The following PTPRM variants were observed in gnomAD, a reference collection of about 807,000 sequenced individuals.
The protein encoded by PTPRM is receptor-type tyrosine-protein phosphatase mu.
PTPRM carries 47 observed loss-of-function variants against 186.7 expected under a neutral mutation model. That is an observed-to-expected ratio of 0.25 (90% confidence interval 0.20 to 0.32). PTPRM has a LOEUF of 0.32. Ranked by LOEUF, PTPRM falls within the 10% of genes least tolerant of loss-of-function variation. The pLI is 1.00. For missense variants in PTPRM, 1,494 were observed against 1,865.0 expected (o/e 0.80, Z 3.66); for synonymous variants, 668 against 674.9 (o/e 0.99, Z 0.16).
intron 2 of PTPRM, among the ~76,000 whole-genome samples, chr18:7,846,329 GA>G (rs2145890315): frequency 6.6e-6 from 1 of 152,294 alleles, no homozygotes; most frequent in Non-Finnish European, 1.5e-5. Flanking sequence ...CTAAATAAAG[GA>G]AAATGTTTAT....
chr18:8,039,705 T>C (rs865991620), intron 7 of PTPRM, among the ~76,000 whole-genome samples: 8 of 152,206 alleles, frequency 5.3e-5, no homozygotes, highest in Non-Finnish European at 7.3e-5. Context: ...TTTTCAAGTA[T>C]AGAATACATT....
chr18:7,655,104 G>T (rs1275558431), intron 1 of PTPRM, among the ~76,000 whole-genome samples: 1 of 152,124 alleles, frequency 6.6e-6, no homozygotes, highest in African/African-American at 2.4e-5. Context: ...TTTTCCAGTT[G>T]TTCATGTCTC....
chr18:8,158,777 G>T (rs2093172275), intron 14 of PTPRM, among the ~76,000 whole-genome samples: 1 of 152,206 alleles, frequency 6.6e-6, no homozygotes, highest in Non-Finnish European at 1.5e-5. Context: ...GCACAAGCAG[G>T]CGTGTCCCAT....
chr18:7,879,595 T>C (rs753117300), intron 2 of PTPRM, among the ~76,000 whole-genome samples: 2 of 152,280 alleles, frequency 1.3e-5, no homozygotes, highest in Admixed American at 1.3e-4. Context: ...TTATGAATAA[T>C]AAAAATGGCC....
At chr18:8,372,056 C>CT (rs557766971) in intron 24 of PTPRM, among the ~76,000 whole-genome samples, 951 of 59,050 alleles carry the variant, frequency 0.016, 191 homozygotes, top group African/African-American at 0.022. Context: ...ACTCTATATT[C>CT]TTTTTTTTTT....
chr18:7,764,121 T>C (rs1434938542), intron 1 of PTPRM, among the ~76,000 whole-genome samples: 2 of 152,164 alleles, frequency 1.3e-5, no homozygotes, highest in South Asian at 2.1e-4. Flanking sequence ...GATCCAGCCG[T>C]GCTATTCTGT....
intron 23 of PTPRM, among the ~76,000 whole-genome samples, chr18:8,352,632 CT>C (rs58235619): frequency 0.79 from 101,833 of 129,646 alleles, 40,648 homozygotes; most frequent in Middle Eastern, 0.94. Context: ...TTTTTCTTTT[CT>C]TTTTTTTTTT....
At chr18:8,265,323 T>C (rs561100670) in intron 19 of PTPRM, among the ~76,000 whole-genome samples, 1 of 152,344 alleles carries the variant, frequency 6.6e-6, no homozygotes, top group South Asian at 2.1e-4. Flanking sequence ...TCTGAAGATA[T>C]CCGCCATCCT....
chr18:7,824,404 C>A (rs1424676950), intron 2 of PTPRM, among the ~76,000 whole-genome samples: 1 of 151,854 alleles, frequency 6.6e-6, no homozygotes, highest in Non-Finnish European at 1.5e-5. Flanking sequence ...AGCAGGTGGA[C>A]GTGGTGATGT....
chr18:7,789,841 G>A (rs1211986307), intron 2 of PTPRM, among the ~76,000 whole-genome samples: 1 of 152,204 alleles, frequency 6.6e-6, no homozygotes, highest in African/African-American at 2.4e-5. Context: ...AGAAATGGTT[G>A]TGTGTTGTTT....
At chr18:7,592,466 C>G (rs2037151671) in intron 1 of PTPRM, among the ~76,000 whole-genome samples, 1 of 152,230 alleles carries the variant, frequency 6.6e-6, no homozygotes, top group South Asian at 2.1e-4. Flanking sequence ...CCCTCTGCCA[C>G]TCTCTCAGGA....
chr18:7,976,486 T>A (rs2054950269), intron 7 of PTPRM, among the ~76,000 whole-genome samples: 1 of 152,170 alleles, frequency 6.6e-6, no homozygotes, highest in Non-Finnish European at 1.5e-5. Flanking sequence ...GTTGGTACGA[T>A]GTGTTGATAA....
At chr18:7,622,780 G>T (rs2037971456) in intron 1 of PTPRM, among the ~76,000 whole-genome samples, 1 of 152,130 alleles carries the variant, frequency 6.6e-6, no homozygotes, top group Non-Finnish European at 1.5e-5. Context: ...GTAGGGGAAG[G>T]TAGATTCTTG....
chr18:7,670,612 A>C (rs1379093905), intron 1 of PTPRM, among the ~76,000 whole-genome samples: 1 of 152,226 alleles, frequency 6.6e-6, no homozygotes, highest in African/African-American at 2.4e-5. Flanking sequence ...GAGATATATA[A>C]ATATCTGATA....
intron 7 of PTPRM, among the ~76,000 whole-genome samples, chr18:8,006,005 C>T (rs974648793): frequency 9.9e-5 from 12 of 121,706 alleles, no homozygotes; most frequent in African/African-American, 3.7e-4. Context: ...ATTACAGTGA[C>T]GTAGCAGAGC....
chr18:8,123,061 A>C (rs2092230951), intron 13 of PTPRM, among the ~76,000 whole-genome samples: 2 of 152,180 alleles, frequency 1.3e-5, no homozygotes, highest in South Asian at 4.2e-4. Flanking sequence ...CCTTATAGAC[A>C]TCTCTATACA....
chr18:7,633,776 C>A (rs1312220499), intron 1 of PTPRM, among the ~76,000 whole-genome samples: 1 of 152,160 alleles, frequency 6.6e-6, no homozygotes, highest in African/African-American at 2.4e-5. Context: ...TGGAGTCATC[C>A]TGATTCCTGT....
At chr18:8,243,937 C>A in intron 14 of PTPRM, 121 bp from the exon 15 acceptor site, 2 of 970,718 alleles carry the variant, frequency 2.1e-6, no homozygotes, top group Admixed American at 3.3e-5. Context: ...ACTATACATC[C>A]ATCTCTGAAT....
At chr18:7,859,509 G>A (rs1020150654) in intron 2 of PTPRM, among the ~76,000 whole-genome samples, 8 of 152,186 alleles carry the variant, frequency 5.3e-5, no homozygotes, top group East Asian at 1.9e-4. Flanking sequence ...TGGCACCTGG[G>A]GCTTCCATGA....
Sources: allele counts gnomAD v4.1 joint callset (sites outside exome capture counted in the v4.1 genomes callset), GRCh38; gene constraint gnomAD v4.1.1; transcripts MANE v1.5; gene names NCBI Gene and HGNC (gene_info 2026-07-23, HGNC 2026-07-21).